Variants in ZC3H18 observed in about 807,000 individuals in gnomAD.
The protein encoded by ZC3H18 is zinc finger CCCH-type containing 18.
Under a neutral mutation model 106.1 loss-of-function variants are expected in ZC3H18, and 8 were observed. The observed-to-expected ratio is 0.08, with a 90% CI of 0.04 to 0.14. The LOEUF (loss-of-function observed/expected upper bound fraction) is 0.14. Among genes scored for constraint, ZC3H18 ranks in the 10% least tolerant of loss-of-function variants. The pLI, the probability that ZC3H18 is intolerant of heterozygous loss-of-function variation, is 1.00. For synonymous variants in ZC3H18, 635 were observed against 522.1 expected (o/e 1.22, Z -2.95); for missense variants, 1,318 against 1,278.4 (o/e 1.03, Z -0.47).
chr16:88,594,543 G>T (rs996703908), intron 3 of ZC3H18, among the ~76,000 whole-genome samples: 5 of 152,166 alleles, frequency 3.3e-5, no homozygotes, highest in African/African-American at 1.2e-4. Flanking sequence ...CCCTGATCCA[G>T]TTTGGGTTGG....
chr16:88,605,081 G>T (rs145931215), intron 6 of ZC3H18, among the ~76,000 whole-genome samples: 129 of 152,348 alleles, frequency 8.5e-4, no homozygotes, highest in Non-Finnish European at 1.6e-3. Flanking sequence ...CAGGTAACAG[G>T]TCTACCAGAT....
At chr16:88,579,260 A>G (rs1010665555) in intron 2 of ZC3H18, among the ~76,000 whole-genome samples, 10 of 152,192 alleles carry the variant, frequency 6.6e-5, no homozygotes, top group Admixed American at 4.6e-4. Flanking sequence ...GAAAGGAGAG[A>G]CGGTGAGATT....
At chr16:88,617,488 T>C (rs1229755168) in intron 8 of ZC3H18, among the ~76,000 whole-genome samples, 1 of 152,196 alleles carries the variant, frequency 6.6e-6, no homozygotes, top group East Asian at 1.9e-4. Context: ...CCGATGGGTG[T>C]GCTCACCGCC....
chr16:88,597,192 A>T (rs1284800666), intron 3 of ZC3H18, among the ~76,000 whole-genome samples: 2 of 152,186 alleles, frequency 1.3e-5, no homozygotes, highest in Non-Finnish European at 2.9e-5. Context: ...ACTTCGTTTG[A>T]CTTATGTGTG....
intron 6 of ZC3H18, among the ~76,000 whole-genome samples, chr16:88,603,661 C>T (rs1322236146): frequency 6.9e-6 from 1 of 145,914 alleles, no homozygotes; most frequent in South Asian, 2.2e-4. Context: ...CTGGCTCTGT[C>T]GCCCAGCGTG....
intron 1 of ZC3H18, among the ~76,000 whole-genome samples, chr16:88,574,075 A>C (rs773052398): frequency 6.6e-6 from 1 of 151,954 alleles, no homozygotes; most frequent in Non-Finnish European, 1.5e-5. Flanking sequence ...AGGTTTCACC[A>C]TTTTGACCGG....
chr16:88,577,526 C>G lies in ZC3H18; in HGVS notation c.403C>G (p.Pro135Ala). ...TGAGCTAGACTACGATGAGGAGGTT[C>G]CTGAGGAGCCAGCTCCCGCCGTCCA... ...EHELDYDEEVPEEPAPAVQED... is the reference protein window; with the variant it reads ...EHELDYDEEVAEEPAPAVQED... The change falls in exon 2 of 18, where the codon CCT (proline) becomes GCT (alanine). Residue 135 changes from proline (P) to alanine (A), a missense_variant. Coordinates refer to ENST00000301011, the MANE Select transcript of ZC3H18 (RefSeq NM_144604.4). 6.2e-7 allele frequency: 1 copy of G among 1,613,152 alleles called. No individual in the cohort carries two copies. The highest frequency in any genetic ancestry group is 8.5e-7 in the Non-Finnish European group (1 of 1,179,858).
In ZC3H18 at chr16:88,579,219, A is replaced by G. The variant is rs190021516; in HGVS notation, c.603+1493A>G. Among the ~76,000 whole-genome samples the G allele has an allele frequency of 2.0e-5, 3 of 152,272 alleles. No homozygotes were observed. The East Asian group carries it at 5.8e-4, about 29-fold the overall frequency. ...GGTCTCCTCAGCTAGTGCTTTTTGCAAGAGGAGACCTACCCCAGGGCTGGC... is the reference window on the plus strand; with the variant it reads ...GGTCTCCTCAGCTAGTGCTTTTTGCGAGAGGAGACCTACCCCAGGGCTGGC... On this transcript the variant is annotated intron_variant, in intron 2 of 17. Coordinates refer to ENST00000301011, the MANE Select transcript of ZC3H18 (RefSeq NM_144604.4).
intron 8 of ZC3H18, among the ~76,000 whole-genome samples, chr16:88,612,959 C>T (rs1170010649): frequency 6.6e-6 from 1 of 152,154 alleles, no homozygotes; most frequent in Non-Finnish European, 1.5e-5. Flanking sequence ...GCTGAGATTG[C>T]ACCACTGCAC....
chr16:88,624,259 C>T, intron 11 of ZC3H18, 197 bp downstream of exon 11: 2 of 759,298 alleles, frequency 2.6e-6, no homozygotes, highest in Admixed American at 5.8e-5. Flanking sequence ...TACACAGCAG[C>T]ACTCCCTCGG....
intron 8 of ZC3H18, among the ~76,000 whole-genome samples, chr16:88,617,624 T>C (rs1905703573): frequency 6.6e-6 from 1 of 152,212 alleles, no homozygotes; most frequent in Non-Finnish European, 1.5e-5. Flanking sequence ...CTTCCAGGTT[T>C]ACCTTTGCAG....
chr16:88,608,097 T>A, intron 6 of ZC3H18, among the ~76,000 whole-genome samples: 1 of 152,230 alleles, frequency 6.6e-6, no homozygotes, highest in Non-Finnish European at 1.5e-5. Context: ...ATTGGCTTTA[T>A]CAAGTCTCTG....
intron 8 of ZC3H18, among the ~76,000 whole-genome samples, chr16:88,616,522 A>G (rs1242401972): frequency 6.6e-6 from 1 of 152,172 alleles, no homozygotes; most frequent in Non-Finnish European, 1.5e-5. Flanking sequence ...GAGCCCTGCC[A>G]GGCCCGCTAC....
chr16:88,602,375 G>A (rs1904794103), intron 6 of ZC3H18, among the ~76,000 whole-genome samples: 1 of 152,198 alleles, frequency 6.6e-6, no homozygotes, highest in Non-Finnish European at 1.5e-5. Context: ...CCGAGGTCAG[G>A]GCCATGTCCC....
chr16:88,620,192 C>A (rs751356547), intron 8 of ZC3H18, among the ~76,000 whole-genome samples: 1 of 152,196 alleles, frequency 6.6e-6, no homozygotes, highest in Non-Finnish European at 1.5e-5. Context: ...CATGTGTTGT[C>A]GTGTGACGTA....
intron 2 of ZC3H18, among the ~76,000 whole-genome samples, chr16:88,580,765 G>A (rs975689695): frequency 3.3e-5 from 5 of 152,126 alleles, no homozygotes; most frequent in Admixed American, 1.3e-4. Context: ...CAGGCCTTTC[G>A]CCCGGTCCCC....
chr16:88,625,147 C>T (rs1906222142), intron 12 of ZC3H18, 55 bp from the exon 13 acceptor site: 10 of 1,547,266 alleles, frequency 6.5e-6, no homozygotes, highest in South Asian at 4.8e-5. Context: ...GAGGGGAGGC[C>T]GCGAGGGGCT....
At chr16:88,582,606 C>T (rs569340006) in intron 2 of ZC3H18, among the ~76,000 whole-genome samples, 1 of 152,268 alleles carries the variant, frequency 6.6e-6, no homozygotes, top group East Asian at 1.9e-4. Flanking sequence ...ATTGCCAAAG[C>T]CCAGGAAGCA....
chr16:88,603,065 C>T (rs967749477), intron 6 of ZC3H18, among the ~76,000 whole-genome samples: 29 of 151,624 alleles, frequency 1.9e-4, no homozygotes, highest in Admixed American at 1.4e-3. Context: ...CCTGGGTTCA[C>T]GCCATTCTCC....
Sources: allele counts gnomAD v4.1 joint callset (sites outside exome capture counted in the v4.1 genomes callset), GRCh38; gene constraint gnomAD v4.1.1; transcripts MANE v1.5; gene names NCBI Gene and HGNC (gene_info 2026-07-23, HGNC 2026-07-21).